The following CCDC7 variants were observed in gnomAD, a reference collection of about 807,000 sequenced individuals.
CCDC7 encodes coiled-coil domain-containing protein 7.
A neutral mutation model predicts 196.9 loss-of-function variants in CCDC7; 183 were observed. The ratio of observed to expected loss-of-function variants is 0.93; its 90% CI spans 0.82 to 1.05. The LOEUF is 1.05. Among genes scored for constraint, CCDC7 ranks in the 50% least tolerant of loss-of-function variants. The probability of loss-of-function intolerance (pLI) is 0.00; values close to 1 mark genes in which losing one functional copy is unlikely to be tolerated. For missense variants in CCDC7, 1,540 were observed against 1,482.2 expected (o/e 1.04, Z -0.64); for synonymous variants, 525 against 484.6 (o/e 1.08, Z -1.10).
At chr10:32,460,408 G>A (rs537203848) in intron 3 of CCDC7, among the ~76,000 whole-genome samples, 6 of 152,284 alleles carry the variant, frequency 3.9e-5, no homozygotes, top group Admixed American at 6.5e-5. Flanking sequence ...AATTGATGCT[G>A]TGGGTTTCCT....
At chr10:32,637,306 T>C (rs1294689184) in intron 20 of CCDC7, among the ~76,000 whole-genome samples, 1 of 152,216 alleles carries the variant, frequency 6.6e-6, no homozygotes, top group Non-Finnish European at 1.5e-5. Context: ...TCCTTGCCCA[T>C]GCCTATGTCC....
At chr10:32,559,485 G>C (rs182657760) in intron 13 of CCDC7, among the ~76,000 whole-genome samples, 1 of 152,200 alleles carries the variant, frequency 6.6e-6, no homozygotes, top group Non-Finnish European at 1.5e-5. Flanking sequence ...ACTTGCAGAG[G>C]AACGATCAGA....
intron 16 of CCDC7, among the ~76,000 whole-genome samples, chr10:32,572,146 A>G (rs1251219001): frequency 6.6e-6 from 1 of 152,158 alleles, no homozygotes; most frequent in Non-Finnish European, 1.5e-5. Context: ...TCCTGACAAC[A>G]GCAATTAAAA....
chr10:32,530,543 T>C (rs1197630939), intron 11 of CCDC7, among the ~76,000 whole-genome samples: 1 of 152,154 alleles, frequency 6.6e-6, no homozygotes, highest in Admixed American at 6.5e-5. Flanking sequence ...GATGGTTTTC[T>C]TGATTTCTTT....
At chr10:32,614,421 T>C (rs1388414866) in intron 18 of CCDC7, among the ~76,000 whole-genome samples, 4 of 152,112 alleles carry the variant, frequency 2.6e-5, no homozygotes, top group East Asian at 3.9e-4. Flanking sequence ...TGTCTTTTCA[T>C]TGGGGCATTT....
At chr10:32,689,204 G>T in intron 23 of CCDC7, 41 bp downstream of exon 24, 1 of 1,314,272 alleles carries the variant, frequency 7.6e-7, no homozygotes, top group Non-Finnish European at 1.0e-6. Flanking sequence ...TTATTTAAAA[G>T]TAAGTTCATC....
At chr10:32,562,120 A>G (rs1172767743) in intron 13 of CCDC7, among the ~76,000 whole-genome samples, 1 of 152,204 alleles carries the variant, frequency 6.6e-6, no homozygotes, top group Non-Finnish European at 1.5e-5. Context: ...GAATCTCTGA[A>G]TAGACGAATA....
At chr10:32,678,993 A>C (rs2075446572) in intron 21 of CCDC7, among the ~76,000 whole-genome samples, 1 of 152,018 alleles carries the variant, frequency 6.6e-6, no homozygotes, top group Non-Finnish European at 1.5e-5. Context: ...CCCCTATTTT[A>C]ATTTATTTTA....
intron 29 of CCDC7, among the ~76,000 whole-genome samples, chr10:32,789,309 A>T (rs2082330923): frequency 6.6e-6 from 1 of 152,082 alleles, no homozygotes; most frequent in South Asian, 2.1e-4. Flanking sequence ...ATCTTAAGGA[A>T]ATTCAGTTTA....
intron 18 of CCDC7, 40 bp from the exon 20 acceptor site, chr10:32,634,214 C>A: frequency 1.1e-6 from 1 of 898,512 alleles, no homozygotes; most frequent in Non-Finnish European, 1.5e-6. Flanking sequence ...CAATAGAGCT[C>A]TTTCTCTATT....
chr10:32,664,537 T>C (rs1591315707), intron 21 of CCDC7, among the ~76,000 whole-genome samples: 2 of 152,094 alleles, frequency 1.3e-5, no homozygotes, highest in Non-Finnish European at 2.9e-5. Flanking sequence ...CATTTTACTC[T>C]CTGTTCCTAT....
chr10:32,845,098 C>T, intron 33 of CCDC7, 145 bp from the exon 35 acceptor site: 1 of 476,924 alleles, frequency 2.1e-6, no homozygotes, highest in Non-Finnish European at 3.6e-6. Flanking sequence ...TAAGTATGAA[C>T]CTTTAATGAC....
chr10:32,639,565 T>C (rs1045507603), intron 20 of CCDC7, among the ~76,000 whole-genome samples: 1 of 152,158 alleles, frequency 6.6e-6, no homozygotes, highest in Non-Finnish European at 1.5e-5. Context: ...GTGAGATTCT[T>C]AATCCTGAGT....
intron 28 of CCDC7, among the ~76,000 whole-genome samples, chr10:32,761,148 T>A (rs1206038124): frequency 1.3e-5 from 2 of 152,010 alleles, no homozygotes; most frequent in African/African-American, 4.8e-5. Flanking sequence ...TTTAAACTAA[T>A]ACTACATTTA....
chr10:32,749,722 A>G (rs1190533714), intron 28 of CCDC7, among the ~76,000 whole-genome samples: 1 of 152,216 alleles, frequency 6.6e-6, no homozygotes, highest in East Asian at 1.9e-4. Flanking sequence ...TGAATGAAAT[A>G]CCAAAATGAA....
At position 32,617,297 on chromosome 10, in the gene CCDC7, C is replaced by T. The variant is rs2062887100; in HGVS notation, c.1802-16957C>T. The stretch of plus-strand genomic sequence containing the variant: ...TTGTTTTCTATTTCATTTGGTTCTT[C>T]TTTGATATTTGATATTTGTTTTTTT... On this transcript the variant is annotated intron_variant, in intron 18 of 41. Transcript: ENST00000639629. Among the ~76,000 whole-genome samples the T allele has an allele frequency of 2.6e-5, 4 of 151,610 alleles. No homozygotes were observed. In the South Asian group the frequency reaches 8.3e-4, roughly 32 times the overall value.
At chr10:32,648,172 A>G (rs974805251) in intron 20 of CCDC7, among the ~76,000 whole-genome samples, 4 of 151,934 alleles carry the variant, frequency 2.6e-5, no homozygotes, top group Non-Finnish European at 4.4e-5. Context: ...TTTCTATTCT[A>G]TTTTATTGGA....
At chr10:32,768,050 T>G (rs2078606445) in intron 28 of CCDC7, among the ~76,000 whole-genome samples, 1 of 152,050 alleles carries the variant, frequency 6.6e-6, no homozygotes, top group African/African-American at 2.4e-5. Flanking sequence ...AAGACAGGCT[T>G]TTGAAAATAC....
intron 22 of CCDC7, among the ~76,000 whole-genome samples, chr10:32,687,940 T>C (rs1828499087): frequency 6.6e-6 from 1 of 152,194 alleles, no homozygotes; most frequent in South Asian, 2.1e-4. Context: ...ATCAAGCTCT[T>C]CTTTGAGACT....
Sources: gnomAD v4.1 joint callset for allele counts (sites outside exome capture counted in the v4.1 genomes callset) on GRCh38, gnomAD v4.1.1 for gene constraint, MANE v1.5 for transcripts, NCBI Gene and HGNC (gene_info 2026-07-23, HGNC 2026-07-21) for gene names.